Variants in WWP2 observed in about 807,000 individuals in gnomAD.
WWP2 encodes WW domain containing E3 ubiquitin protein ligase 2, also known as NEDD4-like E3 ubiquitin-protein ligase WWP2.
In WWP2, 57 loss-of-function variants were observed where a neutral mutation model predicts 121.0. The observed-to-expected ratio is 0.47, with a 90% confidence interval of 0.38 to 0.59. The LOEUF (loss-of-function observed/expected upper bound fraction) is 0.59, where lower values mean the gene tolerates loss of function less well. Among genes scored for constraint, WWP2 ranks in the 20% least tolerant of loss-of-function variants. WWP2 has a pLI of 0.00. For synonymous variants in WWP2, 449 were observed against 441.3 expected (o/e 1.02, Z -0.22); for missense variants, 962 against 1,158.9 (o/e 0.83, Z 2.47).
chr16:69,808,684 G>A (rs1223308925), intron 4 of WWP2, among the ~76,000 whole-genome samples: 2 of 152,250 alleles, frequency 1.3e-5, no homozygotes, highest in African/African-American at 2.4e-5. Flanking sequence ...TTACAGGCGT[G>A]AGCCACTGCG....
Position 69,868,661 on chromosome 16 carries a change from GCACACACACACA to G in WWP2, c.576-3122_576-3111del, listed in dbSNP as rs57674223. On this transcript the variant is annotated intron_variant, in intron 6 of 23. Coordinates refer to ENST00000359154, the MANE Select transcript of WWP2 (RefSeq NM_001270454.2). The stretch of plus-strand genomic sequence containing the variant: ...CTCTGCCCTCAACACATACACATGT[GCACACACACACA>G]CACACACACACACACACACAGACAT... Among the ~76,000 whole-genome samples, 459 of 149,332 alleles carry G rather than the reference GCACACACACACA, an allele frequency of 3.1e-3. 1 individual carries two copies. The highest frequency in any genetic ancestry group is 0.01 in the Middle Eastern group (3 of 294).
In WWP2 at chr16:69,936,351, C is replaced by T. The variant is rs867436921; in HGVS notation, c.2016C>T (p.Phe672=). 1 of 1,614,150 alleles carries T rather than the reference C, an allele frequency of 6.2e-7. No individual in the cohort carries two copies. Among genetic ancestry groups the T allele is most frequent in the Non-Finnish European group, 8.5e-7 (1 of 1,180,028 alleles). Residue 672 remains phenylalanine, a synonymous_variant, in exon 19 of 24, where the codon TTC becomes TTT. Transcript: ENST00000359154. ...AAGAATGTGGCCTGGAGCTGTACTT[C>T]ATCCAGGACATGGAGATACTGGGCA... ...NLEECGLELY[F]IQDMEILGKV... is the part of the protein sequence containing the mutation.
intron 4 of WWP2, among the ~76,000 whole-genome samples, chr16:69,815,816 A>G (rs1391738208): frequency 6.6e-6 from 1 of 151,074 alleles, no homozygotes; most frequent in African/African-American, 2.4e-5. Context: ...CAATGGAATC[A>G]TACATACTGT....
intron 8 of WWP2, among the ~76,000 whole-genome samples, chr16:69,891,557 G>A (rs898281467): frequency 1.3e-5 from 2 of 152,182 alleles, no homozygotes; most frequent in African/African-American, 4.8e-5. Flanking sequence ...AGAGACAGCA[G>A]GTCAGGTACT....
At chr16:69,783,805 A>AC (rs1555545039) in intron 1 of WWP2, among the ~76,000 whole-genome samples, 3 of 151,780 alleles carry the variant, frequency 2.0e-5, no homozygotes, top group South Asian at 2.1e-4. Flanking sequence ...AACAACAACA[A>AC]AATATTAGAG....
intron 4 of WWP2, among the ~76,000 whole-genome samples, chr16:69,819,052 C>T (rs147799676): frequency 7.2e-5 from 11 of 152,268 alleles, no homozygotes; most frequent in East Asian, 1.9e-4. Context: ...TAAAATCCTC[C>T]GTGCCTTCCT....
chr16:69,907,643 G>T (rs2058314673), intron 8 of WWP2, among the ~76,000 whole-genome samples: 1 of 152,186 alleles, frequency 6.6e-6, no homozygotes, highest in South Asian at 2.1e-4. Context: ...CAAATAACAG[G>T]AGTGTGGGGA....
intron 4 of WWP2, among the ~76,000 whole-genome samples, chr16:69,830,793 A>G (rs1434003622): frequency 1.3e-5 from 2 of 152,204 alleles, no homozygotes; most frequent in African/African-American, 2.4e-5. Context: ...TCCTGGAATC[A>G]TCTGGCTTCC....
intron 4 of WWP2, among the ~76,000 whole-genome samples, chr16:69,831,042 G>C (rs2056784771): frequency 6.6e-6 from 1 of 152,166 alleles, no homozygotes; most frequent in Non-Finnish European, 1.5e-5. Flanking sequence ...GGGCCTATGG[G>C]ATTGAGGGCA....
intron 8 of WWP2, among the ~76,000 whole-genome samples, chr16:69,898,938 A>AG (rs2058152951): frequency 1.3e-5 from 2 of 152,176 alleles, no homozygotes; most frequent in African/African-American, 4.8e-5. Flanking sequence ...TCCTGACCTC[A>AG]GGTGATCCAC....
At position 69,925,523 on chromosome 16, in the gene WWP2, T is replaced by A; in HGVS notation, c.1234+39T>A. On this transcript the variant is annotated intron_variant, in intron 11 of 23. Transcript: ENST00000359154. This position sits in a 1 kb window ranked among gnomAD's most constrained non-coding sequence, Gnocchi z 4.0. ...TCTCTTCCTGGCCCTTGGCCTTCCG[T>A]CAGCCACGGTGCTCTGTCCTCTCCT... The A allele has an allele frequency of 6.2e-7, 1 of 1,610,756 alleles. No homozygotes were observed. Among genetic ancestry groups the A allele is most frequent in the South Asian group, 1.1e-5 (1 of 90,814 alleles).
intron 1 of WWP2, among the ~76,000 whole-genome samples, chr16:69,768,728 G>A (rs2055351774): frequency 6.6e-6 from 1 of 152,184 alleles, no homozygotes; most frequent in South Asian, 2.1e-4. Flanking sequence ...CTTCAGATCT[G>A]CTTTCCAGTC....
chr16:69,776,899 A>G (rs1187017984), intron 1 of WWP2, among the ~76,000 whole-genome samples: 3 of 151,974 alleles, frequency 2.0e-5, no homozygotes, highest in African/African-American at 7.2e-5. Context: ...TCCCTAGTGT[A>G]GTATTTGCTT....
chr16:69,798,209 T>G (rs569234958), intron 2 of WWP2, among the ~76,000 whole-genome samples: 30 of 152,320 alleles, frequency 2.0e-4, no homozygotes, highest in Non-Finnish European at 3.5e-4. Context: ...TTCGTATCCT[T>G]TGGAGGAATA....
At chr16:69,876,030 C>G (rs897694807) in intron 7 of WWP2, among the ~76,000 whole-genome samples, 1 of 152,190 alleles carries the variant, frequency 6.6e-6, no homozygotes, top group African/African-American at 2.4e-5. Context: ...TCTCAGCTCA[C>G]TGCTGCAACC....
chr16:69,851,532 T>C (rs1184886672), intron 6 of WWP2, among the ~76,000 whole-genome samples: 1 of 152,172 alleles, frequency 6.6e-6, no homozygotes, highest in Non-Finnish European at 1.5e-5. Context: ...TACTGAATAA[T>C]ATTTCATTGT....
rs541685120 is a variant in WWP2 at position 69,844,664 on chromosome 16, C to A, written c.575+2544C>A. On this transcript the variant is annotated intron_variant, in intron 6 of 23. Coordinates refer to ENST00000359154, the MANE Select transcript of WWP2 (RefSeq NM_001270454.2). ...CGGTGTTGCAGCAGCCAGGCTGCAACAGGAAATCGGATGCATTTTGGCCCA... is the reference window on the plus strand; with the variant it reads ...CGGTGTTGCAGCAGCCAGGCTGCAAAAGGAAATCGGATGCATTTTGGCCCA... Among the ~76,000 whole-genome samples the A allele has an allele frequency of 5.3e-5, 8 of 152,282 alleles. No homozygotes were observed. In the South Asian group the frequency reaches 1.7e-3, roughly 32 times the overall value.
At chr16:69,926,439 A>C (rs933130571) in intron 11 of WWP2, among the ~76,000 whole-genome samples, 2 of 152,152 alleles carry the variant, frequency 1.3e-5, no homozygotes, top group African/African-American at 4.8e-5. Context: ...GACAACAAAG[A>C]TGGAGAGGTG....
chr16:69,889,687 C>T (rs191353589), intron 8 of WWP2, among the ~76,000 whole-genome samples: 2 of 152,156 alleles, frequency 1.3e-5, no homozygotes, highest in Non-Finnish European at 2.9e-5. Context: ...AGGTGAAGTC[C>T]CTTCTTCGCA....
Sources: allele counts gnomAD v4.1 joint callset (sites outside exome capture counted in the v4.1 genomes callset), GRCh38; gene constraint gnomAD v4.1.1; non-coding constraint Gnocchi (gnomAD v3.1); transcripts MANE v1.5; gene names NCBI Gene and HGNC (gene_info 2026-07-23, HGNC 2026-07-21).